ZBTB46: variants seen among roughly 807,000 people sequenced by gnomAD.
ZBTB46 encodes the protein zinc finger and BTB domain-containing protein 46.
ZBTB46 carries 8 observed loss-of-function variants against 44.1 expected under a neutral mutation model. That is an observed-to-expected ratio of 0.18 (90% CI 0.11 to 0.33). The LOEUF is 0.33. Among genes scored for constraint, ZBTB46 ranks in the 10% least tolerant of loss-of-function variants. ZBTB46 has a pLI of 1.00. For synonymous variants in ZBTB46, 409 were observed against 382.3 expected (o/e 1.07, Z -0.81); for missense variants, 651 against 847.7 (o/e 0.77, Z 2.88).
At chr20:63,796,467 T>C (rs2092605113) in intron 1 of ZBTB46, among the ~76,000 whole-genome samples, 1 of 152,252 alleles carries the variant, frequency 6.6e-6, no homozygotes. Context: ...ACACTTGATC[T>C]CTCTGTTTTG....
intron 3 of ZBTB46, among the ~76,000 whole-genome samples, chr20:63,759,811 C>A (rs1219095153): frequency 6.6e-6 from 1 of 151,922 alleles, no homozygotes; most frequent in Non-Finnish European, 1.5e-5. Flanking sequence ...AGATTTAGAA[C>A]ATTTCTTTAT....
intron 1 of ZBTB46, among the ~76,000 whole-genome samples, chr20:63,800,562 G>A (rs1248372629): frequency 7.9e-5 from 12 of 152,248 alleles, no homozygotes; most frequent in African/African-American, 2.9e-4. Context: ...GAGGTGTGGA[G>A]GGAGAGGCGT....
At position 63,767,931 on chromosome 20, in the gene ZBTB46, C is replaced by T. The variant is rs1482239079; in HGVS notation, c.1222+7747G>A. 1 of 985,460 alleles carries T rather than the reference C, an allele frequency of 1.0e-6. No individual in the cohort carries two copies. Among genetic ancestry groups the T allele is most frequent in the East Asian group, 1.1e-4 (1 of 8,814 alleles). The allele number at this position is 985,460 out of a possible 1,614,324, so 61.0% of individuals were successfully genotyped here. A position where few individuals can be genotyped will look rare whatever the true frequency, so the allele number is the denominator to read the frequency against. ...CCACCCTCATGCCAGCGGGAGCCAA[C>T]TCTGGAAGAGGACTGCTCCGCCCAG... On this transcript the variant is annotated intron_variant, in intron 3 of 4. Transcript: ENST00000245663. The surrounding 1 kb of genome is among the most constrained non-coding windows in gnomAD (Gnocchi z 5.0).
rs2092172640 is a variant in ZBTB46 at position 63,752,026 on chromosome 20, T to C, written c.1398+660A>G. Among the ~76,000 whole-genome samples the C allele has an allele frequency of 6.6e-6, 1 of 151,456 alleles. No individual in the cohort carries two copies. The highest frequency in any genetic ancestry group is 2.4e-5 in the African/African-American group (1 of 41,222). On this transcript the variant is annotated intron_variant, in intron 4 of 4. Transcript: ENST00000245663. This position sits in a 1 kb window ranked among gnomAD's most constrained non-coding sequence, Gnocchi z 5.6. ...CCTCCACTGCCTCTCCTCACACAGC[T>C]GCCCGCCGCGAGCTCCCCCTGCACC...
intron 3 of ZBTB46, among the ~76,000 whole-genome samples, chr20:63,756,541 A>G (rs1401817989): frequency 6.6e-6 from 1 of 152,228 alleles, no homozygotes; most frequent in Admixed American, 6.5e-5. Flanking sequence ...ATGTGATGAA[A>G]TTGTGATCTG....
chr20:63,755,708 AAAC>A (rs73611624), intron 3 of ZBTB46, among the ~76,000 whole-genome samples: 23,734 of 152,160 alleles, frequency 0.16, 2,283 homozygotes, highest in East Asian at 0.48. Context: ...TTCTTACTGG[AAAC>A]AACACCTTCC....
intron 3 of ZBTB46, among the ~76,000 whole-genome samples, chr20:63,771,617 C>T (rs981262227): frequency 2.0e-5 from 3 of 152,154 alleles, no homozygotes; most frequent in African/African-American, 7.2e-5. Flanking sequence ...AGGCCAGGCC[C>T]CCGGACCCCA....
In ZBTB46 at chr20:63,766,675, C is replaced by T. The variant is rs544465852; in HGVS notation, c.1222+9003G>A. On this transcript the variant is annotated intron_variant, in intron 3 of 4. Transcript: ENST00000245663. ...GACCCTCACAGATGCCAGCAGAGCG[C>T]GGTCACCTTTGGTAAAATGCCCCAA... 1.1e-4 allele frequency among the ~76,000 whole-genome samples: 16 copies of T among 152,332 alleles called. 1 individual carries two copies. The South Asian group carries it at 2.7e-3, about 26-fold the overall frequency.
At chr20:63,776,532 G>A (rs559232401) in intron 2 of ZBTB46, among the ~76,000 whole-genome samples, 2 of 152,318 alleles carry the variant, frequency 1.3e-5, no homozygotes, top group African/African-American at 2.4e-5. Context: ...CGCCGGGTGC[G>A]GTGGCTCAAG....
chr20:63,747,294 C>G lies in ZBTB46; in HGVS notation c.1406G>C (p.Ser469Thr). 1 of 1,335,186 alleles carries G rather than the reference C, an allele frequency of 7.5e-7. No homozygotes were observed. Among genetic ancestry groups the G allele is most frequent in the South Asian group, 1.4e-5 (1 of 71,836 alleles). The allele number at this position is 1,335,186 out of a possible 1,614,324, so 82.7% of individuals were successfully genotyped here. Reference protein sequence around the residue: ...EHMKRHTLVHSKDKKYVCKVC... With the variant: ...EHMKRHTLVHTKDKKYVCKVC... ...CTTGCACACATACTTCTTGTCCTTG[C>G]TGTGGACCTGCAGAGGCAGGGCAGG... The change falls in exon 5 of 5, where the codon AGC becomes ACC. Residue 469 changes from serine (S) to threonine (T), a missense_variant. Coordinates refer to ENST00000245663, the MANE Select transcript of ZBTB46 (RefSeq NM_001369741.1).
At chr20:63,753,777 G>A (rs1216402348) in intron 3 of ZBTB46, among the ~76,000 whole-genome samples, 1 of 152,258 alleles carries the variant, frequency 6.6e-6, no homozygotes, top group Non-Finnish European at 1.5e-5. Context: ...GCTTTTGGAT[G>A]TCTGAACACA....
At chr20:63,804,018 G>A (rs374258199) in intron 1 of ZBTB46, among the ~76,000 whole-genome samples, 4 of 152,086 alleles carry the variant, frequency 2.6e-5, no homozygotes, top group East Asian at 3.9e-4. Flanking sequence ...TCCTTCTGTC[G>A]GGCGTCCCCA....
At position 63,790,676 on chromosome 20, in the gene ZBTB46, C is replaced by T; in HGVS notation, c.82G>A (p.Gly28Ser). The change falls in exon 2 of 5, where the codon GGC (glycine) becomes AGC (serine). Residue 28 changes from glycine to serine, a missense_variant. Around this residue, in one of 5 missense-constraint regions of ZBTB46, gnomAD observed 65 missense variants for 167.9 expected, o/e 0.39. Transcript: ENST00000245663. ...ACCACGCAGACGTCGCACAGGACGC[C>T]GTGCTGCCTCTGCTCGTTGAGCTCC... ...LRELNEQRQH[G>S]VLCDVCVVVE... The T allele has an allele frequency of 1.2e-6, 2 of 1,611,822 alleles. No individual in the cohort carries two copies. Among genetic ancestry groups the T allele is most frequent in the Non-Finnish European group, 1.7e-6 (2 of 1,179,934 alleles).
chr20:63,780,509 A>G (rs1202044065), intron 2 of ZBTB46, among the ~76,000 whole-genome samples: 2 of 152,106 alleles, frequency 1.3e-5, no homozygotes, highest in East Asian at 3.9e-4. Context: ...ACCATAGGAG[A>G]AAGTCTTTGT....
chr20:63,764,547 G>A (rs8121058), intron 3 of ZBTB46, among the ~76,000 whole-genome samples: 1 of 151,704 alleles, frequency 6.6e-6, no homozygotes, highest in Non-Finnish European at 1.5e-5. Flanking sequence ...AGCTTCTGTA[G>A]TTTCTGGGAA....
In ZBTB46 at chr20:63,792,723, G is replaced by A. The variant is rs1266396690; in HGVS notation, c.-33-1933C>T. Among the ~76,000 whole-genome samples the A allele has an allele frequency of 3.9e-5, 6 of 152,230 alleles. No individual in the cohort carries two copies. In the Middle Eastern group the frequency reaches 0.01, roughly 259 times the overall value. On this transcript the variant is annotated intron_variant, in intron 1 of 4. Transcript: ENST00000245663. ...AGGAGAGATGGGGTTTCACCATTTTGGCCAGGCTGGTTTCAAACTCCTGAC... is the reference window on the plus strand; with the variant it reads ...AGGAGAGATGGGGTTTCACCATTTTAGCCAGGCTGGTTTCAAACTCCTGAC...
chr20:63,796,303 G>A (rs778890863), intron 1 of ZBTB46, among the ~76,000 whole-genome samples: 2 of 152,208 alleles, frequency 1.3e-5, no homozygotes, highest in Non-Finnish European at 2.9e-5. Flanking sequence ...GGGAGGGCGG[G>A]AGGCCTCGGG....
At chr20:63,802,763 C>A (rs964686296) in intron 1 of ZBTB46, among the ~76,000 whole-genome samples, 1 of 148,238 alleles carries the variant, frequency 6.7e-6, no homozygotes, top group Non-Finnish European at 1.5e-5. Flanking sequence ...AACCTCAGGC[C>A]CCCAGCACCC....
intron 2 of ZBTB46, among the ~76,000 whole-genome samples, chr20:63,786,265 T>G (rs906468153): frequency 2.6e-5 from 4 of 152,196 alleles, no homozygotes; most frequent in Non-Finnish European, 5.9e-5. Context: ...CCTGACCTGC[T>G]GCCTGTACAC....
Sources: gnomAD v4.1 joint callset for allele counts (sites outside exome capture counted in the v4.1 genomes callset) on GRCh38, gnomAD v4.1.1 for gene constraint, gnomAD v4.1.1 regional missense constraint, Gnocchi (gnomAD v3.1) non-coding constraint, MANE v1.5 for transcripts, NCBI Gene and HGNC (gene_info 2026-07-23, HGNC 2026-07-21) for gene names.